Variants in ITSN1 observed in about 807,000 individuals in gnomAD.
ITSN1 encodes the protein intersectin 1, also known as intersectin-1.
ITSN1 carries 58 observed loss-of-function variants against 239.8 expected under a neutral mutation model. That is an observed-to-expected ratio of 0.24 (90% CI 0.20 to 0.30). ITSN1 has a LOEUF of 0.30. Ranked by LOEUF, ITSN1 falls within the 10% of genes least tolerant of loss-of-function variation. The probability of loss-of-function intolerance (pLI) is 1.00; values close to 1 mark genes in which losing one functional copy is unlikely to be tolerated. For synonymous variants in ITSN1, 780 were observed against 770.8 expected, an observed-to-expected ratio of 1.01 and a Z score of -0.20; for missense variants, 1,558 against 2,103.3, an observed-to-expected ratio of 0.74 and a Z score of 5.07.
chr21:33,735,149 A>C lies in ITSN1; in HGVS notation c.291A>C (p.Ala97=). ...LKLQGYQLPS[A]LPPVMKQQPV... Reference sequence around the variant, plus strand: ...TACAAGGATATCAGCTACCCTCTGCACTTCCCCCTGTCATGAAACAGCAAC... The same window carrying C: ...TACAAGGATATCAGCTACCCTCTGCCCTTCCCCCTGTCATGAAACAGCAAC... The change falls in exon 5 of 40, where the codon GCA becomes GCC. Residue 97 remains alanine, a synonymous_variant. Coordinates refer to ENST00000381318, the MANE Select transcript of ITSN1 (RefSeq NM_003024.3). 1 of 1,614,038 alleles carries C rather than the reference A, an allele frequency of 6.2e-7. No homozygotes were observed. The highest frequency in any genetic ancestry group is 8.5e-7 in the Non-Finnish European group (1 of 1,179,952).
chr21:33,656,635 A>G (rs1490352568), intron 1 of ITSN1, among the ~76,000 whole-genome samples: 1 of 152,190 alleles, frequency 6.6e-6, no homozygotes, highest in Non-Finnish European at 1.5e-5. Flanking sequence ...TCCAGGGTTC[A>G]AACGGTCCCC....
At chr21:33,650,895 C>T (rs543633970) in intron 1 of ITSN1, among the ~76,000 whole-genome samples, 13 of 152,324 alleles carry the variant, frequency 8.5e-5, no homozygotes, top group African/African-American at 3.1e-4. Flanking sequence ...TTATAGGTAG[C>T]ACTGCTTATT....
At position 33,883,601 on chromosome 21, in the gene ITSN1, G is replaced by A. The variant is rs1344783696; in HGVS notation, c.4606G>A (p.Asp1536Asn). The change falls in exon 36 of 40, where the codon GAC (aspartate) becomes AAC (asparagine). Residue 1536 changes from aspartate (D) to asparagine (N), a missense_variant. Asp to Asn is a conservative substitution (Grantham distance 23). Coordinates refer to ENST00000381318, the MANE Select transcript of ITSN1 (RefSeq NM_003024.3). The stretch of plus-strand genomic sequence containing the variant: ...AAAATTACCCACCGACCCTTCTGGA[G>A]ACGAGCCCATCTTCCACATCTCCCA... ...LVKLPTDPSG[D>N]EPIFHISHID... 2 of 1,613,934 alleles carry A rather than the reference G, an allele frequency of 1.2e-6. No homozygotes were observed. Among genetic ancestry groups the A allele is most frequent in the Non-Finnish European group, 1.7e-6 (2 of 1,179,872 alleles).
At chr21:33,706,431 A>G (rs1475516995) in intron 1 of ITSN1, among the ~76,000 whole-genome samples, 1 of 151,980 alleles carries the variant, frequency 6.6e-6, no homozygotes, top group Admixed American at 6.6e-5. Flanking sequence ...TCATAAAGGT[A>G]TTTGGAAAAG....
chr21:33,790,253 T>A (rs1201015909), intron 16 of ITSN1, among the ~76,000 whole-genome samples: 1 of 151,832 alleles, frequency 6.6e-6, no homozygotes, highest in Admixed American at 6.6e-5. Context: ...TTGTGATTTT[T>A]TAAAAAAAAC....
intron 25 of ITSN1, among the ~76,000 whole-genome samples, chr21:33,826,195 A>C (rs1358707115): frequency 6.6e-6 from 1 of 152,164 alleles, no homozygotes; most frequent in African/African-American, 2.4e-5. Context: ...GCCTCTATGC[A>C]TTGATAGAGA....
At position 33,885,043 on chromosome 21, in the gene ITSN1, C is replaced by T. The variant is rs1011072630; in HGVS notation, c.4679C>T (p.Thr1560Ile). ...CTTTCTGTCTTTTTCTGTCCAAGGA[C>T]TGCCTGGGTGCAGAAAATCAAAGCT... ...TLRAESINERTAWVQKIKAAS... is the reference protein window; with the variant it reads ...TLRAESINERIAWVQKIKAAS... The change falls in exon 37 of 40, where the codon ACT (threonine) becomes ATT (isoleucine). Residue 1560 changes from threonine (T) to isoleucine (I), a missense_variant and splice_region_variant. Transcript: ENST00000381318. The T allele has an allele frequency of 3.1e-6, 5 of 1,613,714 alleles. No individual in the cohort carries two copies. The African/African-American group carries it at 6.7e-5, about 22-fold the overall frequency.
rs549182849 is a variant in ITSN1, at chr21:33,723,592, C to T, written c.185+941C>T. ...TCATGCCACTGCACTCCAGCCTGGG[C>T]GACAGAGCGAGACTCCGTCTCCAAA... is the stretch of plus-strand genomic sequence containing the variant. On this transcript the variant is annotated intron_variant, in intron 4 of 39. Coordinates refer to ENST00000381318, the MANE Select transcript of ITSN1 (RefSeq NM_003024.3). Among the ~76,000 whole-genome samples, 13 of 151,974 alleles carry T rather than the reference C, an allele frequency of 8.6e-5. No homozygotes were observed. The South Asian group carries it at 2.7e-3, about 32-fold the overall frequency.
At chr21:33,877,221 T>A (rs1054886916) in intron 34 of ITSN1, among the ~76,000 whole-genome samples, 1 of 151,898 alleles carries the variant, frequency 6.6e-6, no homozygotes, top group Non-Finnish European at 1.5e-5. Context: ...GCCTGGCTAA[T>A]TTTTATATTT....
At chr21:33,811,308 T>C (rs895824272) in intron 21 of ITSN1, 86 bp downstream of exon 21, 3 of 1,341,346 alleles carry the variant, frequency 2.2e-6, no homozygotes, top group African/African-American at 2.9e-5. Flanking sequence ...TTTCATAGTC[T>C]TGGATTGTCC....
At chr21:33,662,516 A>G (rs745671783) in intron 1 of ITSN1, among the ~76,000 whole-genome samples, 1 of 152,206 alleles carries the variant, frequency 6.6e-6, no homozygotes, top group Non-Finnish European at 1.5e-5. Flanking sequence ...CTGTTCTGTC[A>G]GAAATGGTAT....
chr21:33,687,379 C>A (rs1601635527), intron 1 of ITSN1, among the ~76,000 whole-genome samples: 2 of 99,016 alleles, frequency 2.0e-5, no homozygotes, highest in Non-Finnish European at 3.7e-5. Context: ...GCCTGGGCAA[C>A]AAGAGCAGAA....
intron 1 of ITSN1, among the ~76,000 whole-genome samples, chr21:33,649,467 G>A (rs570589690): frequency 1.8e-4 from 27 of 152,306 alleles, no homozygotes; most frequent in Admixed American, 1.4e-3. Context: ...TAGAATTAAT[G>A]ATAGGTAGCT....
chr21:33,692,333 T>A (rs2091586174), intron 1 of ITSN1, among the ~76,000 whole-genome samples: 1 of 152,230 alleles, frequency 6.6e-6, no homozygotes, highest in South Asian at 2.1e-4. Flanking sequence ...CTAGCTGGCG[T>A]GCTTTCTGTT....
intron 1 of ITSN1, among the ~76,000 whole-genome samples, chr21:33,661,736 TAGTG>T (rs2089572000): frequency 6.6e-6 from 1 of 152,122 alleles, no homozygotes; most frequent in Admixed American, 6.5e-5. Flanking sequence ...GTTCTTGTGG[TAGTG>T]AGTGAGTCTT....
chr21:33,771,311 G>T (rs1184875348), intron 11 of ITSN1, among the ~76,000 whole-genome samples: 1 of 152,166 alleles, frequency 6.6e-6, no homozygotes, highest in Non-Finnish European at 1.5e-5. Context: ...GTGGACCAGG[G>T]ACTGGCATGC....
chr21:33,885,534 AGGCGCCCCCG>A lies in ITSN1; in HGVS notation c.4843+14_4843+23del. On this transcript the variant is annotated intron_variant, in intron 38 of 39. Coordinates refer to ENST00000381318, the MANE Select transcript of ITSN1 (RefSeq NM_003024.3). ...CTGTCGGTCACATGGTAAGGCTGTG[AGGCGCCCCCG>A]GCTCCTGCTTTGGGGTTGGGAGTAG... 1 of 1,612,396 alleles carries A rather than the reference AGGCGCCCCCG, an allele frequency of 6.2e-7. No individual in the cohort carries two copies. Among genetic ancestry groups the A allele is most frequent in the Non-Finnish European group, 8.5e-7 (1 of 1,178,674 alleles).
intron 26 of ITSN1, among the ~76,000 whole-genome samples, chr21:33,827,329 G>A (rs2074027746): frequency 6.6e-6 from 1 of 152,150 alleles, no homozygotes; most frequent in Non-Finnish European, 1.5e-5. Flanking sequence ...GAACCCGGGA[G>A]GCCAAGGTGG....
At chr21:33,649,465 A>G (rs969577508) in intron 1 of ITSN1, among the ~76,000 whole-genome samples, 1 of 152,222 alleles carries the variant, frequency 6.6e-6, no homozygotes, top group African/African-American at 2.4e-5. Flanking sequence ...AGTAGAATTA[A>G]TGATAGGTAG....
Sources: allele counts gnomAD v4.1 joint callset (sites outside exome capture counted in the v4.1 genomes callset), GRCh38; gene constraint gnomAD v4.1.1; transcripts MANE v1.5; gene names NCBI Gene and HGNC (gene_info 2026-07-23, HGNC 2026-07-21).